The following BMAL2 variants were observed in gnomAD, a reference collection of about 807,000 sequenced individuals.
BMAL2 encodes basic helix-loop-helix ARNT-like protein 2.
chr12:27,377,913 G>T, the BMAL2 span, among the ~76,000 whole-genome samples: 4,366 of 152,180 alleles, frequency 0.029, 82 homozygotes, highest in Middle Eastern at 0.065. Context: ...AGGGGGTGTG[G>T]TAGCTCCCAC....
At chr12:27,416,008 G>T in the BMAL2 span, 2 of 1,174,750 alleles carry the variant, frequency 1.7e-6, no homozygotes, top group Non-Finnish European at 2.4e-6. Context: ...TTTGCCCCTT[G>T]TTGATTATTT....
the BMAL2 span, chr12:27,423,914 G>A: frequency 6.6e-6 from 1 of 152,146 alleles, no homozygotes; most frequent in Non-Finnish European, 1.5e-5. Context: ...TGTGGCTACT[G>A]AGCACTTGCA....
the BMAL2 span, among the ~76,000 whole-genome samples, chr12:27,399,331 C>G: frequency 2.0e-5 from 3 of 152,174 alleles, no homozygotes; most frequent in Non-Finnish European, 4.4e-5. Flanking sequence ...ATTTGAACAT[C>G]TTTGGTGACA....
At chr12:27,402,633 C>A in the BMAL2 span, 1 of 1,612,522 alleles carries the variant, frequency 6.2e-7, no homozygotes, top group African/African-American at 1.3e-5. Flanking sequence ...CATAGTGAGC[C>A]TGGAGAAGCA....
chr12:27,334,384 G>A, the BMAL2 span, among the ~76,000 whole-genome samples: 18 of 152,160 alleles, frequency 1.2e-4, no homozygotes, highest in Non-Finnish European at 2.4e-4. Context: ...TGAGATATGA[G>A]ATATGAATGC....
At chr12:27,376,969 C>A in the BMAL2 span, among the ~76,000 whole-genome samples, 2 of 136,412 alleles carry the variant, frequency 1.5e-5, no homozygotes, top group Non-Finnish European at 3.1e-5. Context: ...CCACTGCACT[C>A]CAGCCTGGGC....
the BMAL2 span, among the ~76,000 whole-genome samples, chr12:27,353,195 A>G: frequency 6.6e-6 from 1 of 152,232 alleles, no homozygotes; most frequent in African/African-American, 2.4e-5. Flanking sequence ...GGCAGCAGTA[A>G]CCAAAACAGC....
chr12:27,349,874 T>C, the BMAL2 span, among the ~76,000 whole-genome samples: 4 of 152,072 alleles, frequency 2.6e-5, no homozygotes, highest in Non-Finnish European at 5.9e-5. Context: ...ACAAAAATGC[T>C]CTTGCTGTGC....
the BMAL2 span, among the ~76,000 whole-genome samples, chr12:27,363,832 T>C: frequency 6.6e-6 from 1 of 152,242 alleles, no homozygotes; most frequent in Non-Finnish European, 1.5e-5. Flanking sequence ...TAACAATCTT[T>C]TCCTTTATTG....
chr12:27,360,186 A>G, the BMAL2 span, among the ~76,000 whole-genome samples: 2 of 152,156 alleles, frequency 1.3e-5, no homozygotes, highest in African/African-American at 4.8e-5. Flanking sequence ...TCATGAGGGA[A>G]TATCAGACAA....
the BMAL2 span, among the ~76,000 whole-genome samples, chr12:27,420,037 A>G: frequency 6.6e-6 from 1 of 151,760 alleles, no homozygotes; most frequent in African/African-American, 2.4e-5. Context: ...ACACACACAC[A>G]CACACACACA....
chr12:27,358,809 T>A, the BMAL2 span, among the ~76,000 whole-genome samples: 1 of 152,154 alleles, frequency 6.6e-6, no homozygotes. Flanking sequence ...CTTAACTTTT[T>A]AAGATATCTA....
chr12:27,349,307 G>C, the BMAL2 span, among the ~76,000 whole-genome samples: 2 of 152,142 alleles, frequency 1.3e-5, no homozygotes, highest in African/African-American at 4.8e-5. Flanking sequence ...TTGATAGTTT[G>C]CATATTGAAT....
chr12:27,372,811 C>T, the BMAL2 span, among the ~76,000 whole-genome samples: 3 of 152,020 alleles, frequency 2.0e-5, no homozygotes, highest in Non-Finnish European at 4.4e-5. Context: ...GTAGCTGGGA[C>T]TACAGGCGCC....
the BMAL2 span, among the ~76,000 whole-genome samples, chr12:27,415,099 CA>C: frequency 6.6e-6 from 1 of 152,058 alleles, no homozygotes; most frequent in Admixed American, 6.6e-5. Context: ...AGAAGTAAAT[CA>C]AAAGGTACAA....
chr12:27,341,741 T>C, the BMAL2 span, among the ~76,000 whole-genome samples: 1 of 152,144 alleles, frequency 6.6e-6, no homozygotes, highest in East Asian at 1.9e-4. Flanking sequence ...TTACAGACTT[T>C]TCCTGTGCAG....
chr12:27,354,911 A>G, the BMAL2 span, among the ~76,000 whole-genome samples: 1 of 152,180 alleles, frequency 6.6e-6, no homozygotes, highest in Non-Finnish European at 1.5e-5. Flanking sequence ...GATCGGTCTT[A>G]ATTCATTAAA....
chr12:27,344,964 C>A, the BMAL2 span, among the ~76,000 whole-genome samples: 1 of 152,152 alleles, frequency 6.6e-6, no homozygotes, highest in Non-Finnish European at 1.5e-5. Context: ...TGTGGTCCCA[C>A]CTACAGTAGT....
chr12:27,386,013 A>G, the BMAL2 span, among the ~76,000 whole-genome samples: 1 of 152,086 alleles, frequency 6.6e-6, no homozygotes, highest in Non-Finnish European at 1.5e-5. Context: ...TAGAGGGGAA[A>G]CTGTGATCAT....
Sources: gnomAD v4.1 joint callset for allele counts (sites outside exome capture counted in the v4.1 genomes callset) on GRCh38, gnomAD v4.1.1 for gene constraint, MANE v1.5 for transcripts, NCBI Gene and HGNC (gene_info 2026-07-23, HGNC 2026-07-21) for gene names.